Variants in SOX5 observed in about 807,000 individuals in gnomAD.
The protein encoded by SOX5 is transcription factor SOX-5.
SOX5 carries 9 observed loss-of-function variants against 92.0 expected under a neutral mutation model. The ratio of observed to expected loss-of-function variants is 0.10; its 90% CI spans 0.06 to 0.17. The LOEUF (loss-of-function observed/expected upper bound fraction) is 0.17. SOX5 is among the 10% of genes least tolerant of loss of function. The probability of loss-of-function intolerance (pLI) is 1.00; values close to 1 mark genes in which losing one functional copy is unlikely to be tolerated. For missense variants in SOX5, 642 were observed against 944.5 expected (o/e 0.68, Z 4.20); for synonymous variants, 344 against 336.3 (o/e 1.02, Z -0.25).
At chr12:23,740,059 T>C (rs2093741366) in intron 5 of SOX5, among the ~76,000 whole-genome samples, 1 of 152,192 alleles carries the variant, frequency 6.6e-6, no homozygotes. Context: ...AATGAATGAA[T>C]GTTATCTCCT....
chr12:24,333,203 G>A (rs907325183), intron 2 of SOX5, among the ~76,000 whole-genome samples: 16 of 151,946 alleles, frequency 1.1e-4, no homozygotes, highest in Non-Finnish European at 1.5e-5. Flanking sequence ...ATATTATTAT[G>A]CTAGTTTAAT....
In SOX5 at chr12:24,327,129, T is replaced by C. The variant is rs571318153; in HGVS notation, c.-174+41434A>G. On this transcript the variant is annotated intron_variant, in intron 2 of 4. Transcript: ENST00000446891. ...TAGGACATTGATAGAAATTTAAAAATTACGTGATGATTAAGCTAATCCTTT... is the reference window on the plus strand; with the variant it reads ...TAGGACATTGATAGAAATTTAAAAACTACGTGATGATTAAGCTAATCCTTT... Among the ~76,000 whole-genome samples, 32 of 152,272 alleles carry C rather than the reference T, an allele frequency of 2.1e-4. No homozygotes were observed. The South Asian group carries it at 6.4e-3, about 31-fold the overall frequency.
chr12:23,639,652 TACTC>T (rs1312101672), intron 8 of SOX5, among the ~76,000 whole-genome samples: 3 of 152,194 alleles, frequency 2.0e-5, no homozygotes, highest in East Asian at 1.9e-4. Flanking sequence ...AGAAAACAGA[TACTC>T]ACAGTGTAGC....
intron 1 of SOX5, among the ~76,000 whole-genome samples, chr12:24,473,460 A>C (rs1354812821): frequency 5.3e-5 from 8 of 152,234 alleles, no homozygotes; most frequent in Admixed American, 1.3e-4. Flanking sequence ...TTTAAAGTAC[A>C]ACACAAATTC....
At chr12:23,587,877 C>T (rs185297463) in intron 9 of SOX5, among the ~76,000 whole-genome samples, 44 of 152,102 alleles carry the variant, frequency 2.9e-4, no homozygotes, top group East Asian at 2.7e-3. Context: ...CTTACTGGCT[C>T]GGCCAAAGGC....
chr12:24,018,489 A>C (rs1953921314), intron 4 of SOX5, among the ~76,000 whole-genome samples: 2 of 152,178 alleles, frequency 1.3e-5, no homozygotes, highest in South Asian at 4.1e-4. Flanking sequence ...TCAACACTTT[A>C]GGTCATATTT....
intron 1 of SOX5, among the ~76,000 whole-genome samples, chr12:24,404,146 C>T (rs4963757): frequency 0.27 from 40,562 of 152,016 alleles, 6,057 homozygotes; most frequent in East Asian, 0.54. Flanking sequence ...CCAGTAAATG[C>T]CTGCAGGAAC....
intron 3 of SOX5, among the ~76,000 whole-genome samples, chr12:24,228,671 C>T (rs1408380410): frequency 3.3e-5 from 5 of 151,832 alleles, no homozygotes; most frequent in Non-Finnish European, 5.9e-5. Context: ...CGTGTGTGTG[C>T]GTGTGTGTGT....
chr12:24,205,506 T>C (rs552604789), intron 4 of SOX5, among the ~76,000 whole-genome samples: 4 of 152,272 alleles, frequency 2.6e-5, no homozygotes, highest in Admixed American at 1.3e-4. Context: ...TCTAAGGTGA[T>C]AGATCATGAT....
chr12:23,884,546 CAAGTA>C (rs1850400239), intron 2 of SOX5, among the ~76,000 whole-genome samples: 1 of 152,026 alleles, frequency 6.6e-6, no homozygotes, highest in South Asian at 2.1e-4. Context: ...AATAAAAAAT[CAAGTA>C]AAGATTGTTC....
chr12:23,666,078 C>G (rs1235497678), intron 6 of SOX5, among the ~76,000 whole-genome samples: 2 of 151,414 alleles, frequency 1.3e-5, no homozygotes, highest in African/African-American at 4.9e-5. Flanking sequence ...AGTAATCGAC[C>G]TGGAAGAAAG....
chr12:24,542,752 G>A (rs1270410488), intron 1 of SOX5, among the ~76,000 whole-genome samples: 2 of 152,196 alleles, frequency 1.3e-5, no homozygotes, highest in Non-Finnish European at 2.9e-5. Flanking sequence ...AAAGACGAAA[G>A]GCAAATTGTT....
At chr12:24,228,860 G>T (rs1962704723) in intron 3 of SOX5, among the ~76,000 whole-genome samples, 1 of 152,106 alleles carries the variant, frequency 6.6e-6, no homozygotes, top group Non-Finnish European at 1.5e-5. Context: ...AGCTTATTTG[G>T]TGCCTCTCAC....
chr12:23,616,515 T>C (rs10771010), intron 8 of SOX5, among the ~76,000 whole-genome samples: 69,211 of 152,052 alleles, frequency 0.46, 15,827 homozygotes, highest in South Asian at 0.56. Context: ...TACTAAGGAA[T>C]AGAGTCACCG....
intron 4 of SOX5, among the ~76,000 whole-genome samples, chr12:24,117,862 A>C (rs1156503453): frequency 2.0e-5 from 3 of 151,926 alleles, no homozygotes; most frequent in Non-Finnish European, 4.4e-5. Context: ...TCTACTAAAA[A>C]TACAAAAATT....
chr12:23,586,432 T>C (rs1950754234), intron 9 of SOX5, among the ~76,000 whole-genome samples: 2 of 152,060 alleles, frequency 1.3e-5, no homozygotes, highest in African/African-American at 2.4e-5. Flanking sequence ...GTGAAATAAA[T>C]ATCATTATGA....
intron 1 of SOX5, among the ~76,000 whole-genome samples, chr12:24,439,753 G>A (rs972601695): frequency 7.2e-5 from 11 of 151,996 alleles, no homozygotes; most frequent in African/African-American, 2.4e-4. Context: ...AAATTGGTCG[G>A]GCATGGTGGC....
intron 4 of SOX5, among the ~76,000 whole-genome samples, chr12:24,022,958 T>G (rs527907183): frequency 2.0e-5 from 3 of 152,088 alleles, no homozygotes; most frequent in African/African-American, 4.8e-5. Context: ...TCCTTAAAAT[T>G]TTATTGCTAT....
At chr12:23,660,504 T>C (rs530425364) in intron 7 of SOX5, among the ~76,000 whole-genome samples, 1 of 152,306 alleles carries the variant, frequency 6.6e-6, no homozygotes, top group South Asian at 2.1e-4. Context: ...CTATTTGAGA[T>C]TGCATTAATT....
Sources: gnomAD v4.1 joint callset for allele counts (sites outside exome capture counted in the v4.1 genomes callset) on GRCh38, gnomAD v4.1.1 for gene constraint, MANE v1.5 for transcripts, NCBI Gene and HGNC (gene_info 2026-07-23, HGNC 2026-07-21) for gene names.